IL1RAPL2: variants seen among roughly 807,000 people sequenced by gnomAD.
IL1RAPL2 encodes the protein X-linked interleukin-1 receptor accessory protein-like 2.
A neutral mutation model predicts 44.1 loss-of-function variants in IL1RAPL2; 3 were observed. The ratio of observed to expected loss-of-function variants is 0.07; its 90% CI spans 0.03 to 0.18. The LOEUF is 0.18. Among genes scored for constraint, IL1RAPL2 ranks in the 10% least tolerant of loss-of-function variants. The pLI is 1.00. For synonymous variants in IL1RAPL2, 181 were observed against 178.8 expected, an observed-to-expected ratio of 1.01 and a Z score of -0.10; for missense variants, 391 against 496.4, an observed-to-expected ratio of 0.79 and a Z score of 2.02.
chrX:104,905,220 T>C (rs959029157), intron 2 of IL1RAPL2, among the ~76,000 whole-genome samples: 1 of 111,771 alleles, frequency 8.9e-6, no homozygotes, highest in Non-Finnish European at 1.9e-5. Flanking sequence ...GTCAGATGAG[T>C]AGGTTGCGAA....
At chrX:104,859,254 C>G (rs1352455230) in intron 2 of IL1RAPL2, among the ~76,000 whole-genome samples, 2 of 111,144 alleles carry the variant, frequency 1.8e-5, no homozygotes, top group East Asian at 5.6e-4. Flanking sequence ...TACAGGAAGA[C>G]CAAGAGTAAA....
chrX:104,889,706 T>C (rs1221182516), intron 2 of IL1RAPL2, among the ~76,000 whole-genome samples: 1 of 111,893 alleles, frequency 8.9e-6, no homozygotes, highest in Admixed American at 9.5e-5. Context: ...AGCCAGTTTA[T>C]CTACTTCATT....
chrX:104,778,898 A>G (rs901619706), intron 2 of IL1RAPL2, among the ~76,000 whole-genome samples: 2 of 110,348 alleles, frequency 1.8e-5, no homozygotes, highest in African/African-American at 6.6e-5. Flanking sequence ...AAATTGCCCA[A>G]ATGTCTTCTC....
At chrX:104,905,254 T>G (rs1363002047) in intron 2 of IL1RAPL2, among the ~76,000 whole-genome samples, 1 of 111,667 alleles carries the variant, frequency 9.0e-6, no homozygotes, top group African/African-American at 3.3e-5. Context: ...TTTGTAGGTT[T>G]CCTGTTCACT....
intron 2 of IL1RAPL2, among the ~76,000 whole-genome samples, chrX:104,664,069 G>A (rs749872570): frequency 9.0e-6 from 1 of 111,017 alleles, no homozygotes; most frequent in African/African-American, 3.3e-5. Flanking sequence ...GGAGGGTGGA[G>A]TGTAGGTCCT....
chrX:104,881,052 CTA>C (rs1366047638), intron 2 of IL1RAPL2, among the ~76,000 whole-genome samples: 1 of 111,398 alleles, frequency 9.0e-6, no homozygotes, highest in Non-Finnish European at 1.9e-5. Flanking sequence ...TTAAGCAAAA[CTA>C]AGATTTTACA....
At chrX:105,134,123 C>T (rs1489644976) in intron 2 of IL1RAPL2, among the ~76,000 whole-genome samples, 2 of 111,888 alleles carry the variant, frequency 1.8e-5, no homozygotes, top group Admixed American at 1.9e-4. Flanking sequence ...ATTTCTGATG[C>T]CACAGACTGC....
At chrX:105,055,841 T>C (rs973563720) in intron 2 of IL1RAPL2, among the ~76,000 whole-genome samples, 1 of 111,532 alleles carries the variant, frequency 9.0e-6, no homozygotes, top group Non-Finnish European at 1.9e-5. Context: ...TAGTTGGAAA[T>C]TCTATATTAA....
chrX:105,032,554 C>T (rs999628537), intron 2 of IL1RAPL2, among the ~76,000 whole-genome samples: 8 of 111,728 alleles, frequency 7.2e-5, no homozygotes, highest in Non-Finnish European at 9.4e-5. Context: ...GTTTCTTAAT[C>T]CTGAGTTCTA....
At chrX:104,909,817 C>T (rs983143279) in intron 2 of IL1RAPL2, among the ~76,000 whole-genome samples, 5 of 112,690 alleles carry the variant, frequency 4.4e-5, no homozygotes, top group Non-Finnish European at 7.5e-5. Flanking sequence ...TGCCCTGCCC[C>T]TAGAGGTGGA....
At chrX:105,160,931 A>G (rs2033318126) in intron 2 of IL1RAPL2, among the ~76,000 whole-genome samples, 1 of 111,937 alleles carries the variant, frequency 8.9e-6, no homozygotes, top group Admixed American at 9.5e-5. Flanking sequence ...AGATAGGTAG[A>G]CAGTGTTCCT....
At chrX:105,359,782 TA>T (rs2035234388) in intron 5 of IL1RAPL2, among the ~76,000 whole-genome samples, 1 of 11,842 alleles carries the variant, frequency 8.4e-5, no homozygotes, top group Admixed American at 2.4e-3. Context: ...TTAGTAATAG[TA>T]GTAGTTTTAA....
At chrX:105,212,614 C>T (rs1462106608) in intron 3 of IL1RAPL2, among the ~76,000 whole-genome samples, 2 of 112,097 alleles carry the variant, frequency 1.8e-5, no homozygotes, top group Non-Finnish European at 3.8e-5. Context: ...CCCAGCACAG[C>T]ACACTAGCTC....
intron 1 of IL1RAPL2, among the ~76,000 whole-genome samples, chrX:104,606,721 C>T (rs1282016090): frequency 9.0e-6 from 1 of 110,775 alleles, no homozygotes; most frequent in Non-Finnish European, 1.9e-5. Flanking sequence ...GAATAAAATA[C>T]CTAGGAATCC....
At chrX:105,257,629 G>A (rs986153256) in intron 4 of IL1RAPL2, among the ~76,000 whole-genome samples, 4 of 112,032 alleles carry the variant, frequency 3.6e-5, no homozygotes, top group Non-Finnish European at 5.6e-5. Flanking sequence ...CGTGGTGGGC[G>A]CATATATATT....
chrX:104,839,844 A>G (rs1921854720), intron 2 of IL1RAPL2, among the ~76,000 whole-genome samples: 1 of 111,061 alleles, frequency 9.0e-6, no homozygotes, highest in Admixed American at 9.6e-5. Flanking sequence ...GAATTTATCC[A>G]TTTCTTCTGG....
intron 2 of IL1RAPL2, among the ~76,000 whole-genome samples, chrX:105,090,045 AGAAAG>A (rs1253601980): frequency 1.8e-5 from 2 of 111,684 alleles, no homozygotes; most frequent in Admixed American, 1.9e-4. Context: ...AGGGAGGAAA[AGAAAG>A]GAAGGAGGAT....
intron 2 of IL1RAPL2, among the ~76,000 whole-genome samples, chrX:104,905,626 T>G (rs1923966276): frequency 9.0e-6 from 1 of 111,612 alleles, no homozygotes; most frequent in Non-Finnish European, 1.9e-5. Context: ...ATATGTGGTG[T>G]TATTTCTGAG....
At position 104,881,931 on chromosome X, in the gene IL1RAPL2, A is replaced by G. The variant is rs189662803; in HGVS notation, c.82+222936A>G. 1.4e-3 allele frequency among the ~76,000 whole-genome samples: 161 copies of G among 112,095 alleles called. No homozygotes were observed. In the East Asian group the frequency reaches 0.038, roughly 26 times the overall value. On this transcript the variant is annotated intron_variant, in intron 2 of 10. Coordinates refer to ENST00000372582, the MANE Select transcript of IL1RAPL2 (RefSeq NM_017416.2). Reference sequence around the variant, plus strand: ...GTAACTCACAAATAAGTGAACTAAAAAAAGGAGATAAAATAAATGTTTAGT... The same window carrying G: ...GTAACTCACAAATAAGTGAACTAAAGAAAGGAGATAAAATAAATGTTTAGT...
Sources: gnomAD v4.1 joint callset for allele counts (sites outside exome capture counted in the v4.1 genomes callset) on GRCh38, gnomAD v4.1.1 for gene constraint, MANE v1.5 for transcripts, NCBI Gene and HGNC (gene_info 2026-07-23, HGNC 2026-07-21) for gene names.